HMBOX1: variants seen among roughly 807,000 people sequenced by gnomAD.
HMBOX1 encodes homeobox-containing protein 1.
A neutral mutation model predicts 54.5 loss-of-function variants in HMBOX1; 14 were observed. The observed-to-expected ratio is 0.26, with a 90% confidence interval of 0.17 to 0.40. The LOEUF (loss-of-function observed/expected upper bound fraction) is 0.40. HMBOX1 is among the 10% of genes least tolerant of loss of function. The pLI is 1.00. For missense variants in HMBOX1, 332 were observed against 514.4 expected (o/e 0.65, Z 3.43); for synonymous variants, 160 against 181.0 (o/e 0.88, Z 0.93).
At chr8:29,029,707 G>A (rs753433856) in intron 6 of HMBOX1, among the ~76,000 whole-genome samples, 17 of 152,270 alleles carry the variant, frequency 1.1e-4, no homozygotes, top group East Asian at 1.9e-4. Flanking sequence ...GAGAACTTAC[G>A]GTTACGGGAA....
chr8:28,906,249 C>T (rs758280609), intron 1 of HMBOX1, among the ~76,000 whole-genome samples: 5 of 152,154 alleles, frequency 3.3e-5, no homozygotes, highest in Non-Finnish European at 2.9e-5. Context: ...AATGTTAGCC[C>T]TTCTTTCCTG....
rs186679640 is a variant in HMBOX1, at chr8:29,033,050, T to G, written c.852-12311T>G. On this transcript the variant is annotated intron_variant, in intron 6 of 9. Transcript: ENST00000287701. Reference sequence around the variant, plus strand: ...ATCATTCTCATCCATTAAAAAAACATTTTGTGGGAGCAGAGTTGAGTCCTT... The same window carrying G: ...ATCATTCTCATCCATTAAAAAAACAGTTTGTGGGAGCAGAGTTGAGTCCTT... Among the ~76,000 whole-genome samples, 7 of 152,242 alleles carry G rather than the reference T, an allele frequency of 4.6e-5. No individual in the cohort carries two copies. In the East Asian group the frequency reaches 1.4e-3, roughly 29 times the overall value.
chr8:29,024,963 C>T (rs1445240623), intron 6 of HMBOX1, among the ~76,000 whole-genome samples: 1 of 151,980 alleles, frequency 6.6e-6, no homozygotes, highest in South Asian at 2.1e-4. Flanking sequence ...AACCACCCTC[C>T]CTACCCCCCA....
chr8:28,978,645 G>C (rs546723568), intron 3 of HMBOX1, among the ~76,000 whole-genome samples: 2 of 152,228 alleles, frequency 1.3e-5, no homozygotes, highest in East Asian at 3.9e-4. Flanking sequence ...AAATTAGCCG[G>C]GTGTGGTGCT....
intron 4 of HMBOX1, among the ~76,000 whole-genome samples, chr8:28,992,894 A>AAC: frequency 6.7e-6 from 1 of 148,702 alleles, no homozygotes; most frequent in South Asian, 2.1e-4. Flanking sequence ...AAAAAAAAAA[A>AAC]GGAAGAAGAG....
chr8:28,952,965 CTATAGCAGAACTACAGTT>C, intron 1 of HMBOX1, among the ~76,000 whole-genome samples: 1 of 152,334 alleles, frequency 6.6e-6, no homozygotes, highest in East Asian at 1.9e-4. Context: ...GTGAAGCCTA[CTATAGCAGAACTACAGTT>C]CTGCTAAGAC....
chr8:28,936,799 TA>T (rs58487085), intron 1 of HMBOX1, among the ~76,000 whole-genome samples: 1,558 of 128,926 alleles, frequency 0.012, 15 homozygotes, highest in African/African-American at 0.031. Context: ...ACCAGAGGGT[TA>T]AAAAAAAAAA....
intron 6 of HMBOX1, 28 bp downstream of exon 6, chr8:29,018,941 T>C (rs749388266): frequency 9.3e-6 from 15 of 1,610,178 alleles, no homozygotes; most frequent in Admixed American, 6.7e-5. Context: ...CTACGAATGA[T>C]CTCCCAAACT....
intron 2 of HMBOX1, among the ~76,000 whole-genome samples, chr8:28,965,380 G>A (rs886613630): frequency 4.6e-5 from 7 of 152,178 alleles, no homozygotes; most frequent in Non-Finnish European, 8.8e-5. Context: ...CATACAAAGA[G>A]AATTTTTTCT....
At chr8:29,010,148 C>T (rs566182317) in intron 5 of HMBOX1, 34 of 976,672 alleles carry the variant, frequency 3.5e-5, no homozygotes, top group Non-Finnish European at 4.1e-5. Flanking sequence ...TCAACCTCTA[C>T]AATAATATTA....
At position 29,009,267 on chromosome 8, in the gene HMBOX1, T is replaced by G. The variant is rs551280347; in HGVS notation, c.697+85T>G. 2.4e-4 allele frequency: 291 copies of G among 1,203,772 alleles called. 1 individual carries two copies. The African/African-American group carries it at 3.8e-3, about 16-fold the overall frequency. 74.6% of individuals were successfully genotyped at this position (1,203,772 alleles called of 1,614,324 possible). On this transcript the variant is annotated intron_variant, in intron 5 of 9. Transcript: ENST00000287701. ...TTAATGACTCCATGTGCTAACTTGT[T>G]CAGTAAGATGGTTTCATACTTTACT... is the stretch of plus-strand genomic sequence containing the variant.
At chr8:28,901,950 T>C (rs568333325) in intron 1 of HMBOX1, among the ~76,000 whole-genome samples, 2 of 152,346 alleles carry the variant, frequency 1.3e-5, no homozygotes, top group East Asian at 3.9e-4. Context: ...AATCCTTCTG[T>C]CTGAAGAGAC....
intron 1 of HMBOX1, among the ~76,000 whole-genome samples, chr8:28,960,291 T>C (rs1008063980): frequency 3.3e-5 from 5 of 152,058 alleles, no homozygotes; most frequent in African/African-American, 7.2e-5. Context: ...TGTATTGTTA[T>C]GTTGGTCATA....
At chr8:28,977,958 A>AT (rs1563511292) in intron 3 of HMBOX1, among the ~76,000 whole-genome samples, 1 of 150,612 alleles carries the variant, frequency 6.6e-6, no homozygotes, top group Non-Finnish European at 1.5e-5. Flanking sequence ...AAAAAAAAAA[A>AT]GAAAGAAAGA....
intron 3 of HMBOX1, among the ~76,000 whole-genome samples, chr8:28,974,074 A>G (rs1319340429): frequency 3.3e-5 from 5 of 152,062 alleles, no homozygotes; most frequent in African/African-American, 1.2e-4. Context: ...TTGGCCTCCC[A>G]AAGTGCTGGG....
At chr8:29,043,978 T>C (rs1805215777) in intron 6 of HMBOX1, among the ~76,000 whole-genome samples, 1 of 152,036 alleles carries the variant, frequency 6.6e-6, no homozygotes, top group South Asian at 2.1e-4. Flanking sequence ...ACTGGGAGGA[T>C]ATAGCTCTAT....
At chr8:28,901,352 C>G (rs1813200343) in intron 1 of HMBOX1, among the ~76,000 whole-genome samples, 1 of 151,958 alleles carries the variant, frequency 6.6e-6, no homozygotes, top group Non-Finnish European at 1.5e-5. Flanking sequence ...TTCCATCATT[C>G]TTTTCTCTCT....
chr8:28,963,083 C>G (rs919669032), intron 1 of HMBOX1, among the ~76,000 whole-genome samples: 3 of 152,194 alleles, frequency 2.0e-5, no homozygotes, highest in Non-Finnish European at 4.4e-5. Context: ...CTCCCAGGTT[C>G]AAGTGATTCT....
At position 28,924,345 on chromosome 8, in the gene HMBOX1, G is replaced by A. The variant is rs527386962; in HGVS notation, c.-58+33667G>A. Among the ~76,000 whole-genome samples, 5 of 151,738 alleles carry A rather than the reference G, an allele frequency of 3.3e-5. No homozygotes were observed. In the East Asian group the frequency reaches 5.8e-4, roughly 18 times the overall value. ...AGGATGGTCTCGATCTCCTGACCTC[G>A]TGATCTGCCCCCTCGGCCTCCCAAA... On this transcript the variant is annotated intron_variant, in intron 1 of 9. Transcript: ENST00000287701.
Sources: allele counts gnomAD v4.1 joint callset (sites outside exome capture counted in the v4.1 genomes callset), GRCh38; gene constraint gnomAD v4.1.1; transcripts MANE v1.5; gene names NCBI Gene and HGNC (gene_info 2026-07-23, HGNC 2026-07-21).